The following PTPRB variants were observed in gnomAD, a reference collection of about 807,000 sequenced individuals.
The protein encoded by PTPRB is protein tyrosine phosphatase receptor type B.
PTPRB carries 97 observed loss-of-function variants against 238.1 expected under a neutral mutation model. That is an observed-to-expected ratio of 0.41 (90% CI 0.35 to 0.48). The LOEUF is 0.48. PTPRB is among the 20% of genes least tolerant of loss of function. The pLI, the probability that PTPRB is intolerant of heterozygous loss-of-function variation, is 0.30. For synonymous variants in PTPRB, 970 were observed against 995.4 expected, an observed-to-expected ratio of 0.97 and a Z score of 0.48; for missense variants, 2,292 against 2,681.9, an observed-to-expected ratio of 0.85 and a Z score of 3.21.
rs1049431362 is a variant in PTPRB at position 70,519,774 on chromosome 12, C to G, written c.*1715G>C. On this transcript the variant is annotated 3_prime_UTR_variant, in exon 34 of 34. Transcript: ENST00000334414. ...AGAAGATTCACTTAGTTCCTTGATA[C>G]AGAATCAGAGCTTAAGACTGTCATT... The G allele has an allele frequency of 6.5e-6, 1 of 153,870 alleles. No individual in the cohort carries two copies. The highest frequency in any genetic ancestry group is 6.5e-5 in the Admixed American group (1 of 15,358). 9.5% of individuals were successfully genotyped at this position (153,870 alleles called of 1,614,324 possible).
Position 70,553,405 on chromosome 12 carries a change from C to A in PTPRB, c.5144-385G>T, listed in dbSNP as rs1237010607. 2.6e-5 allele frequency among the ~76,000 whole-genome samples: 4 copies of A among 152,156 alleles called. No individual in the cohort carries two copies. The East Asian group carries it at 7.7e-4, about 29-fold the overall frequency. Reference sequence around the variant, plus strand: ...CATTGTAGTTGAGCTAATAAGGAAACCCCTATGACCTGGGAAATAGGAAAA... The same window carrying A: ...CATTGTAGTTGAGCTAATAAGGAAAACCCTATGACCTGGGAAATAGGAAAA... On this transcript the variant is annotated intron_variant, in intron 20 of 33. Transcript: ENST00000334414.
At chr12:70,537,303 A>C (rs961567177) in intron 28 of PTPRB, among the ~76,000 whole-genome samples, 1 of 151,056 alleles carries the variant, frequency 6.6e-6, no homozygotes, top group Non-Finnish European at 1.5e-5. Flanking sequence ...AAAAAAAAAA[A>C]AAAAAGAAAG....
intron 4 of PTPRB, among the ~76,000 whole-genome samples, chr12:70,603,445 TAATAA>T (rs1883687716): frequency 6.6e-6 from 1 of 152,144 alleles, no homozygotes. Flanking sequence ...CTTTGAAAAA[TAATAA>T]AATAACACGT....
At position 70,596,331 on chromosome 12, in the gene PTPRB, C is replaced by T; in HGVS notation, c.980-4G>A. On this transcript the variant is annotated splice_polypyrimidine_tract_variant and splice_region_variant and intron_variant, in intron 4 of 33. Coordinates refer to ENST00000334414, the MANE Select transcript of PTPRB (RefSeq NM_001109754.4). ...AACCTAGCAGGAGGTAAAGGATCTG[C>T]AAGGCAAATACACACACACACACAA... The T allele has an allele frequency of 1.4e-6, 2 of 1,454,464 alleles. No homozygotes were observed. The highest frequency in any genetic ancestry group is 1.8e-6 in the Non-Finnish European group (2 of 1,104,438). 90.1% of individuals were successfully genotyped at this position (1,454,464 alleles called of 1,614,324 possible). A position where few individuals can be genotyped will look rare whatever the true frequency, so the allele number is the denominator to read the frequency against.
In PTPRB at chr12:70,571,263, A is replaced by G. The variant is rs1471696368; in HGVS notation, c.3133T>C (p.Leu1045=). ...TIPEPVKDLT[L]RNRSTEDLHV... ...AAGTCCTCAGTGCTCCTGTTGCGCA[A>G]TGTTAGATCCTTAACAGGCTCTGGA... Residue 1045 remains leucine (L), a synonymous_variant, in exon 13 of 34, where the codon TTG becomes CTG. Transcript: ENST00000334414. The G allele has an allele frequency of 6.2e-6, 10 of 1,606,874 alleles. No individual in the cohort carries two copies. Among genetic ancestry groups the G allele is most frequent in the Non-Finnish European group, 8.5e-6 (10 of 1,173,586 alleles).
intron 16 of PTPRB, among the ~76,000 whole-genome samples, chr12:70,561,267 C>T (rs978623571): frequency 4.6e-5 from 7 of 152,162 alleles, no homozygotes. Flanking sequence ...TCCAGCTCCT[C>T]CCAGTGTGGC....
intron 32 of PTPRB, among the ~76,000 whole-genome samples, chr12:70,527,919 C>T (rs538822914): frequency 5.9e-5 from 9 of 152,320 alleles, no homozygotes; most frequent in Non-Finnish European, 1.2e-4. Context: ...GTAGAAACAA[C>T]TCAACTTCAG....
intron 14 of PTPRB, among the ~76,000 whole-genome samples, chr12:70,568,615 A>G (rs908551262): frequency 6.6e-6 from 1 of 152,184 alleles, no homozygotes; most frequent in African/African-American, 2.4e-5. Flanking sequence ...CACTTCTAAC[A>G]CAGGATTTGT....
intron 9 of PTPRB, among the ~76,000 whole-genome samples, chr12:70,585,945 C>A (rs551313305): frequency 1.3e-5 from 2 of 152,240 alleles, no homozygotes; most frequent in South Asian, 4.1e-4. Context: ...TGGTTTCCAG[C>A]TTCATTCACG....
intron 20 of PTPRB, 119 bp downstream of exon 20, chr12:70,555,024 CAGAGAGAGGGGTGAATG>C: frequency 1.0e-6 from 1 of 974,644 alleles, no homozygotes; most frequent in East Asian, 2.6e-5. Context: ...CTGTATCCAG[CAGAGAGAGGGGTGAATG>C]ATACAAAAAT....
chr12:70,531,509 C>T (rs1250206538), intron 32 of PTPRB, among the ~76,000 whole-genome samples: 2 of 152,132 alleles, frequency 1.3e-5, no homozygotes, highest in African/African-American at 2.4e-5. Context: ...GTGGCCAAGC[C>T]ACCTCAGCCA....
chr12:70,609,693 T>C (rs1037934277), intron 3 of PTPRB: 5 of 1,447,696 alleles, frequency 3.5e-6, no homozygotes, highest in African/African-American at 2.8e-5. Flanking sequence ...GACGAGAAAG[T>C]GGAGTGGGAA....
intron 4 of PTPRB, among the ~76,000 whole-genome samples, chr12:70,600,731 T>C (rs900359680): frequency 5.9e-5 from 9 of 152,202 alleles, no homozygotes; most frequent in African/African-American, 2.2e-4. Context: ...GGCCTTGCTC[T>C]GTCACCCGGG....
chr12:70,581,114 C>T lies in PTPRB; in HGVS notation c.2500G>A (p.Gly834Ser), dbSNP rs376428268. Reference protein sequence around the residue: ...SRYSFHSLKSGSLYSVVVTTV... With the variant: ...SRYSFHSLKSSSLYSVVVTTV... Reference sequence around the variant, plus strand: ...GTTACCACCACGGAGTACAGGCTGCCGGACTTGAGAGAGTGGAAGCTGTAT... The same window carrying T: ...GTTACCACCACGGAGTACAGGCTGCTGGACTTGAGAGAGTGGAAGCTGTAT... The change falls in exon 10 of 34, where the codon GGC (glycine) becomes AGC (serine). Residue 834 changes from glycine (G) to serine (S), a missense_variant. Gly to Ser is a moderately conservative substitution (Grantham distance 56). Transcript: ENST00000334414. The T allele has an allele frequency of 2.4e-5, 38 of 1,613,962 alleles. No individual in the cohort carries two copies. Among genetic ancestry groups the T allele is most frequent in the Middle Eastern group, 1.6e-4 (1 of 6,062 alleles).
At chr12:70,543,732 G>A (rs900988954) in intron 22 of PTPRB, among the ~76,000 whole-genome samples, 2 of 152,162 alleles carry the variant, frequency 1.3e-5, no homozygotes, top group Non-Finnish European at 2.9e-5. Context: ...ATGAAATGAT[G>A]CTATTCTCAG....
Position 70,609,335 on chromosome 12 carries a change from C to A in PTPRB, c.713G>T (p.Gly238Val). 6.2e-7 allele frequency: 1 copy of A among 1,613,616 alleles called. No homozygotes were observed. The highest frequency in any genetic ancestry group is 1.1e-5 in the South Asian group (1 of 91,024). The part of the protein sequence containing the change: ...QPFSSTTEET[G>V]LAEPERCNFT... Reference sequence around the variant, plus strand: ...GTTACATCTCTCTGGCTCCGCCAGTCCAGTCTGCAAAGGAATCAGACACAA... The same window carrying A: ...GTTACATCTCTCTGGCTCCGCCAGTACAGTCTGCAAAGGAATCAGACACAA... The change falls in exon 4 of 34, where the codon GGA (glycine) becomes GTA (valine). Residue 238 changes from glycine to valine, a missense_variant. Around this residue, in one of 4 missense-constraint regions of PTPRB, gnomAD observed 1,205 missense variants for 1,287.8 expected, o/e 0.94. Coordinates refer to ENST00000334414, the MANE Select transcript of PTPRB (RefSeq NM_001109754.4).
intron 2 of PTPRB, among the ~76,000 whole-genome samples, chr12:70,633,369 G>T (rs774480726): frequency 1.2e-4 from 18 of 152,128 alleles, no homozygotes; most frequent in Non-Finnish European, 1.5e-4. Context: ...GAGCCCAGGA[G>T]TTGGAGGCTA....
At position 70,559,347 on chromosome 12, in the gene PTPRB, C is replaced by T; in HGVS notation, c.4710G>A (p.Arg1570=). The T allele has an allele frequency of 1.9e-6, 3 of 1,610,156 alleles. No individual in the cohort carries two copies. Among genetic ancestry groups the T allele is most frequent in the African/African-American group, 1.3e-5 (1 of 74,964 alleles). Residue 1570 remains arginine, a synonymous_variant, in exon 18 of 34, where the codon AGG becomes AGA. Transcript: ENST00000334414. Reference sequence around the variant, plus strand: ...GAGTAGCAAAACATGTCATACTTGTCCTCACAGATCCAAAAATTGGTTTGC... The same window carrying T: ...GAGTAGCAAAACATGTCATACTTGTTCTCACAGATCCAAAAATTGGTTTGC... The part of the protein sequence containing the change: ...TYSKPIFGSV[R]TKPDKIQNLH...
chr12:70,542,091 T>A (rs890885118), intron 22 of PTPRB: 1 of 152,236 alleles, frequency 6.6e-6, no homozygotes, highest in Non-Finnish European at 1.5e-5. Context: ...TTCTGATTTC[T>A]TCATATCCTC....
Sources: gnomAD v4.1 joint callset for allele counts (sites outside exome capture counted in the v4.1 genomes callset) on GRCh38, gnomAD v4.1.1 for gene constraint, gnomAD v4.1.1 regional missense constraint, MANE v1.5 for transcripts, NCBI Gene and HGNC (gene_info 2026-07-23, HGNC 2026-07-21) for gene names.